The following KCNT2 variants were observed in gnomAD, a reference collection of about 807,000 sequenced individuals.
KCNT2 encodes potassium channel subfamily T member 2.
KCNT2 carries 67 observed loss-of-function variants against 153.8 expected under a neutral mutation model. The ratio of observed to expected loss-of-function variants is 0.44; its 90% CI spans 0.36 to 0.53. The LOEUF (loss-of-function observed/expected upper bound fraction) is 0.53. Among genes scored for constraint, KCNT2 ranks in the 20% least tolerant of loss-of-function variants. The probability of loss-of-function intolerance (pLI) is 0.00; values close to 1 mark genes in which losing one functional copy is unlikely to be tolerated. For synonymous variants in KCNT2, 500 were observed against 458.8 expected (o/e 1.09, Z -1.15); for missense variants, 975 against 1,354.8 (o/e 0.72, Z 4.40).
At chr1:196,274,396 C>T (rs1175377448) in intron 25 of KCNT2, among the ~76,000 whole-genome samples, 2 of 151,378 alleles carry the variant, frequency 1.3e-5, no homozygotes, top group Non-Finnish European at 3.0e-5. Context: ...GCATAATAAA[C>T]ATTTGATTGT....
chr1:196,335,020 G>A (rs1260512168), intron 16 of KCNT2, among the ~76,000 whole-genome samples: 5 of 152,058 alleles, frequency 3.3e-5, no homozygotes, highest in Non-Finnish European at 4.4e-5. Flanking sequence ...GGCAGAAGAA[G>A]CAATTCCCTT....
chr1:196,258,478 C>G lies in KCNT2; in HGVS notation c.2927G>C (p.Ser976Thr). ...LTTSESQISISVEEWEDTKDS... is the reference protein window; with the variant it reads ...LTTSESQISITVEEWEDTKDS... Reference sequence around the variant, plus strand: ...TTTGGTGTCTTCCCACTCTTCTACACTGATAGATATTTGAGACTTTAAAGG... The same window carrying G: ...TTTGGTGTCTTCCCACTCTTCTACAGTGATAGATATTTGAGACTTTAAAGG... Residue 976 changes from serine (S) to threonine (T), a missense_variant, in exon 26 of 28, where the codon AGT (serine) becomes ACT (threonine). By Grantham distance (58) the Ser-to-Thr change is moderately conservative. This residue lies in a region of KCNT2 where 241 missense variants were observed against 271.1 expected (regional missense o/e 0.89). Transcript: ENST00000294725. 6.3e-7 allele frequency: 1 copy of G among 1,585,548 alleles called. No homozygotes were observed. The highest frequency in any genetic ancestry group is 2.2e-5 in the East Asian group (1 of 44,650).
At chr1:196,339,534 G>C (rs1198669189) in intron 16 of KCNT2, among the ~76,000 whole-genome samples, 1 of 151,512 alleles carries the variant, frequency 6.6e-6, no homozygotes, top group Admixed American at 6.6e-5. Context: ...GAGAGAGAGA[G>C]AGAGAGAGAG....
chr1:196,428,419 T>A, intron 9 of KCNT2, 150 bp from the exon 10 acceptor site: 1 of 617,296 alleles, frequency 1.6e-6, no homozygotes, highest in South Asian at 2.1e-5. Flanking sequence ...AACGACAGAC[T>A]TTTCATATAA....
intron 5 of KCNT2, among the ~76,000 whole-genome samples, chr1:196,475,665 A>T (rs1026562645): frequency 3.3e-5 from 5 of 152,128 alleles, no homozygotes. Flanking sequence ...GCTACCAAAC[A>T]TGCTTTATTT....
intron 25 of KCNT2, among the ~76,000 whole-genome samples, chr1:196,275,093 G>A (rs528715990): frequency 6.0e-4 from 91 of 151,876 alleles, no homozygotes; most frequent in Admixed American, 2.6e-3. Flanking sequence ...GAAAATTAAG[G>A]TGACATTTTG....
intron 26 of KCNT2, among the ~76,000 whole-genome samples, chr1:196,240,562 G>T (rs970598195): frequency 6.6e-6 from 1 of 151,916 alleles, no homozygotes; most frequent in East Asian, 1.9e-4. Context: ...TGAAGGTGTG[G>T]GCATGCATAA....
rs763470736 is a variant in KCNT2, at chr1:196,608,322, A to G, written c.-13T>C. On this transcript the variant is annotated 5_prime_UTR_variant, in exon 1 of 28. Coordinates refer to ENST00000294725, the MANE Select transcript of KCNT2 (RefSeq NM_198503.5). ...CCAAATCAACCATCCTTCCTCAAAG[A>G]GTGGGAAACATCAAACAACAAATGG... 9.4e-6 allele frequency: 15 copies of G among 1,599,388 alleles called. No individual in the cohort carries two copies. Among genetic ancestry groups the G allele is most frequent in the Non-Finnish European group, 1.2e-5 (14 of 1,166,524 alleles).
chr1:196,279,958 G>A (rs188644441), intron 25 of KCNT2, among the ~76,000 whole-genome samples: 1 of 152,126 alleles, frequency 6.6e-6, no homozygotes, highest in East Asian at 1.9e-4. Context: ...TTACTGAAAT[G>A]TATGTGTCTG....
chr1:196,447,536 T>C (rs181048056), intron 8 of KCNT2, among the ~76,000 whole-genome samples: 2 of 151,648 alleles, frequency 1.3e-5, no homozygotes, highest in East Asian at 2.0e-4. Context: ...GGAGCAATTA[T>C]GTTGAAGACA....
intron 16 of KCNT2, among the ~76,000 whole-genome samples, chr1:196,336,577 C>T (rs992324015): frequency 2.0e-5 from 3 of 152,134 alleles, no homozygotes; most frequent in Admixed American, 2.0e-4. Context: ...GTTTTGCAGT[C>T]AGACGTTTTA....
At chr1:196,386,926 T>G (rs1049013213) in intron 13 of KCNT2, among the ~76,000 whole-genome samples, 39 of 152,048 alleles carry the variant, frequency 2.6e-4, no homozygotes, top group Admixed American at 1.4e-3. Context: ...ATTCATAAAT[T>G]TATATATATT....
chr1:196,358,386 A>G lies in KCNT2; in HGVS notation c.1403+14754T>C, dbSNP rs1667345219. Among the ~76,000 whole-genome samples, 4 of 151,628 alleles carry G rather than the reference A, an allele frequency of 2.6e-5. 1 individual carries two copies. The South Asian group carries it at 8.3e-4, about 32-fold the overall frequency. ...TGGATTTCTGTATTTATTTGTTATG[A>G]CCCTTTTATCCCCTTAATACTGAAG... On this transcript the variant is annotated intron_variant, in intron 14 of 27. Transcript: ENST00000294725.
chr1:196,591,256 A>T (rs4348670), intron 1 of KCNT2, among the ~76,000 whole-genome samples: 150,856 of 152,128 alleles, frequency 0.99, 74,809 homozygotes, highest in Middle Eastern at 1. Context: ...TCTTGCCATG[A>T]GACATTCGAG....
At chr1:196,392,408 T>C (rs1670569654) in intron 13 of KCNT2, among the ~76,000 whole-genome samples, 1 of 151,404 alleles carries the variant, frequency 6.6e-6, no homozygotes, top group South Asian at 2.1e-4. Flanking sequence ...AGGCTTAATG[T>C]TTTATATTTT....
At chr1:196,594,976 T>C (rs1572927463) in intron 1 of KCNT2, among the ~76,000 whole-genome samples, 1 of 152,096 alleles carries the variant, frequency 6.6e-6, no homozygotes, top group African/African-American at 2.4e-5. Context: ...GAATATGATA[T>C]GGTAAAATCA....
chr1:196,454,725 GA>G lies in KCNT2; in HGVS notation c.638+10567del, dbSNP rs1180272077. Among the ~76,000 whole-genome samples, 12 of 150,802 alleles carry G rather than the reference GA, an allele frequency of 8.0e-5. No individual in the cohort carries two copies. In the South Asian group the frequency reaches 8.4e-4, roughly 11 times the overall value. ...CTGTACTAGTTGTTGATTGCTGCAG[GA>G]AAAAAAAATTACCACAAACAGCATT... On this transcript the variant is annotated intron_variant, in intron 8 of 27. Coordinates refer to ENST00000294725, the MANE Select transcript of KCNT2 (RefSeq NM_198503.5).
At chr1:196,541,140 A>AC (rs1656305645) in intron 1 of KCNT2, among the ~76,000 whole-genome samples, 1 of 5,704 alleles carries the variant, frequency 1.8e-4, no homozygotes, top group Non-Finnish European at 4.5e-3. Context: ...CTGTACTGAG[A>AC]TAAAAAAAGC....
intron 14 of KCNT2, among the ~76,000 whole-genome samples, chr1:196,350,725 A>G (rs571831609): frequency 5.5e-4 from 84 of 152,074 alleles, no homozygotes; most frequent in Non-Finnish European, 9.1e-4. Flanking sequence ...CCTTTTGTCA[A>G]TTTTGACTTT....
Sources: gnomAD v4.1 joint callset for allele counts (sites outside exome capture counted in the v4.1 genomes callset) on GRCh38, gnomAD v4.1.1 for gene constraint, gnomAD v4.1.1 regional missense constraint, MANE v1.5 for transcripts, NCBI Gene and HGNC (gene_info 2026-07-23, HGNC 2026-07-21) for gene names.